Variants in PTPRU observed in about 807,000 individuals in gnomAD.
PTPRU encodes the protein protein tyrosine phosphatase receptor type U.
Under a neutral mutation model 166.3 loss-of-function variants are expected in PTPRU, and 69 were observed. The ratio of observed to expected loss-of-function variants is 0.41; its 90% CI spans 0.34 to 0.51. The LOEUF is 0.51. Ranked by LOEUF, PTPRU falls within the 20% of genes least tolerant of loss-of-function variation. The probability of loss-of-function intolerance (pLI) is 0.09; values close to 1 mark genes in which losing one functional copy is unlikely to be tolerated. For synonymous variants in PTPRU, 793 were observed against 814.0 expected, an observed-to-expected ratio of 0.97 and a Z score of 0.44; for missense variants, 1,657 against 2,013.7, an observed-to-expected ratio of 0.82 and a Z score of 3.39.
At position 29,260,087 on chromosome 1, in the gene PTPRU, A is replaced by C; in HGVS notation, c.850+43A>C. ...GGGGAGCGCCGGGACCTCACCCTCG[A>C]GGGGCGGGGCCGGCGACGGGGGCGG... On this transcript the variant is annotated intron_variant, in intron 6 of 29. Coordinates refer to ENST00000373779, the MANE Select transcript of PTPRU (RefSeq NM_133178.4). The surrounding 1 kb of genome is among the most constrained non-coding windows in gnomAD (Gnocchi z 8.3). 3.0e-6 allele frequency: 3 copies of C among 987,966 alleles called. No individual in the cohort carries two copies. Among genetic ancestry groups the C allele is most frequent in the Non-Finnish European group, 2.4e-6 (2 of 839,882 alleles). The allele number at this position is 987,966 out of a possible 1,614,324, so 61.2% of individuals were successfully genotyped here. A position where few individuals can be genotyped will look rare whatever the true frequency, so the allele number is the denominator to read the frequency against.
In PTPRU at chr1:29,279,187, C is replaced by T. The variant is rs1289843892; in HGVS notation, c.1563+66C>T. ...AGGTGAGAGGTGGCCCTCTTTCTCT[C>T]TGCTGCTACAGTAGGAGGTGCATGG... On this transcript the variant is annotated intron_variant, in intron 9 of 29. Coordinates refer to ENST00000373779, the MANE Select transcript of PTPRU (RefSeq NM_133178.4). This position sits in a 1 kb window ranked among gnomAD's most constrained non-coding sequence, Gnocchi z 5.2. The T allele has an allele frequency of 1.5e-6, 2 of 1,340,290 alleles. No individual in the cohort carries two copies. Among genetic ancestry groups the T allele is most frequent in the East Asian group, 2.5e-5 (1 of 39,898 alleles). The allele number at this position is 1,340,290 out of a possible 1,614,324, so 83.0% of individuals were successfully genotyped here.
intron 1 of PTPRU, among the ~76,000 whole-genome samples, chr1:29,245,033 T>C (rs547541851): frequency 4.6e-5 from 7 of 152,136 alleles, no homozygotes; most frequent in Non-Finnish European, 1.0e-4. Flanking sequence ...TAACCTCTTG[T>C]TCATCCTACT....
At chr1:29,264,474 C>G (rs1482508935) in intron 7 of PTPRU, among the ~76,000 whole-genome samples, 1 of 150,866 alleles carries the variant, frequency 6.6e-6, no homozygotes, top group Non-Finnish European at 1.5e-5. Flanking sequence ...GTTAATTTTT[C>G]AAATGTGGTG....
Position 29,317,672 on chromosome 1 carries a change from GCC to G in PTPRU, c.3514-75_3514-74del. The G allele has an allele frequency of 1.4e-6, 2 of 1,451,280 alleles. No homozygotes were observed. Among genetic ancestry groups the G allele is most frequent in the Non-Finnish European group, 1.9e-6 (2 of 1,073,430 alleles). The allele number at this position is 1,451,280 out of a possible 1,614,324, so 89.9% of individuals were successfully genotyped here. On this transcript the variant is annotated intron_variant, in intron 24 of 29. Coordinates refer to ENST00000373779, the MANE Select transcript of PTPRU (RefSeq NM_133178.4). The surrounding 1 kb of genome is among the most constrained non-coding windows in gnomAD (Gnocchi z 5.6). ...AAAATGGGATTAGTAACTCAGTCCA[GCC>G]TCCTTCATGGGGATGTGAGGAGGCC...
At position 29,325,856 on chromosome 1, in the gene PTPRU, G is replaced by C; in HGVS notation, c.*195G>C. On this transcript the variant is annotated 3_prime_UTR_variant, in exon 30 of 30. Coordinates refer to ENST00000373779, the MANE Select transcript of PTPRU (RefSeq NM_133178.4). ...CGCTTGTCCCATGGGCGGGTGGTGG[G>C]CCAAGGAGGAGCTTAGCAAGTCTGC... The C allele has an allele frequency of 1.6e-6, 1 of 618,420 alleles. No homozygotes were observed. The highest frequency in any genetic ancestry group is 3.1e-5 in the East Asian group (1 of 32,566). The allele number at this position is 618,420 out of a possible 1,614,324, so 38.3% of individuals were successfully genotyped here.
chr1:29,261,658 G>A (rs1685071694), intron 7 of PTPRU, among the ~76,000 whole-genome samples: 1 of 152,050 alleles, frequency 6.6e-6, no homozygotes, highest in African/African-American at 2.4e-5. Context: ...TCAGCCTCCC[G>A]AGTAGCTGGG....
At position 29,315,657 on chromosome 1, in the gene PTPRU, A is replaced by G. The variant is rs1401252596; in HGVS notation, c.3363+150A>G. 10 of 1,187,668 alleles carry G rather than the reference A, an allele frequency of 8.4e-6. No homozygotes were observed. Among genetic ancestry groups the G allele is most frequent in the Non-Finnish European group, 1.2e-5 (10 of 833,684 alleles). The allele number at this position is 1,187,668 out of a possible 1,614,324, so 73.6% of individuals were successfully genotyped here. A position where few individuals can be genotyped will look rare whatever the true frequency, so the allele number is the denominator to read the frequency against. On this transcript the variant is annotated intron_variant, in intron 23 of 29. Transcript: ENST00000373779. The surrounding 1 kb of genome is among the most constrained non-coding windows in gnomAD (Gnocchi z 4.5). Reference sequence around the variant, plus strand: ...TCCCTGACCTTGGGCCGCCAACTGCATAGGGTCATCCTGAACTGCTCCCCT... The same window carrying G: ...TCCCTGACCTTGGGCCGCCAACTGCGTAGGGTCATCCTGAACTGCTCCCCT...
At chr1:29,253,389 G>A (rs1684639180) in intron 1 of PTPRU, among the ~76,000 whole-genome samples, 1 of 152,050 alleles carries the variant, frequency 6.6e-6, no homozygotes, top group African/African-American at 2.4e-5. Flanking sequence ...TTCCTCTAGG[G>A]TATGGGGCAG....
chr1:29,312,430 A>T (rs1016452514), intron 21 of PTPRU, 122 bp from the exon 22 acceptor site: 9 of 942,294 alleles, frequency 9.6e-6, no homozygotes, highest in Non-Finnish European at 1.2e-5. Context: ...CAGTAAATTG[A>T]TCATTGGGAT....
Position 29,316,027 on chromosome 1 carries a change from C to T in PTPRU, c.3389C>T (p.Ala1130Val). Residue 1130 changes from alanine to valine, a missense_variant, in exon 24 of 30, where the codon GCA becomes GTA. Ala to Val is a moderately conservative substitution (Grantham distance 64). This residue lies in a region of PTPRU where 1,190 missense variants were observed against 1,477.4 expected (regional missense o/e 0.81). Coordinates refer to ENST00000373779, the MANE Select transcript of PTPRU (RefSeq NM_133178.4). ...TEEQYIFIHD[A>V]ILEACLCGET... ...GAGCAGTACATCTTCATTCATGATG[C>T]AATCCTGGAGGCCTGCCTGTGTGGG... is the stretch of plus-strand genomic sequence containing the variant. 1 of 1,614,130 alleles carries T rather than the reference C, an allele frequency of 6.2e-7. No individual in the cohort carries two copies. Among genetic ancestry groups the T allele is most frequent in the Non-Finnish European group, 8.5e-7 (1 of 1,179,960 alleles).
At position 29,303,888 on chromosome 1, in the gene PTPRU, G is replaced by C; in HGVS notation, c.2510G>C (p.Ser837Thr). The C allele has an allele frequency of 6.2e-7, 1 of 1,612,596 alleles. No individual in the cohort carries two copies. The highest frequency in any genetic ancestry group is 8.5e-7 in the Non-Finnish European group (1 of 1,178,814). Residue 837 changes from serine to threonine, a missense_variant, in exon 16 of 30, where the codon AGC becomes ACC. Around this residue, in one of 3 missense-constraint regions of PTPRU, gnomAD observed 1,190 missense variants for 1,477.4 expected, o/e 0.81. Coordinates refer to ENST00000373779, the MANE Select transcript of PTPRU (RefSeq NM_133178.4). Reference sequence around the variant, plus strand: ...CGCAGCGGTGGGGTCACTGAGGCCAGCAGCCTCCTGGGGGGCTCCCCGAGG... The same window carrying C: ...CGCAGCGGTGGGGTCACTGAGGCCACCAGCCTCCTGGGGGGCTCCCCGAGG... ...DQRSGGVTEASSLLGGSPRRP... is the reference protein window; with the variant it reads ...DQRSGGVTEATSLLGGSPRRP...
In PTPRU at chr1:29,323,510, G is replaced by A. The variant is rs781361937; in HGVS notation, c.3954+14G>A. Reference sequence around the variant, plus strand: ...AACATCTCTCGGGTGAGTGGTCTGAGGAGCCCCAGGGAAGGACCCTGGGTG... The same window carrying A: ...AACATCTCTCGGGTGAGTGGTCTGAAGAGCCCCAGGGAAGGACCCTGGGTG... On this transcript the variant is annotated intron_variant, in intron 27 of 29. Transcript: ENST00000373779. 5 of 1,611,712 alleles carry A rather than the reference G, an allele frequency of 3.1e-6. No homozygotes were observed. The South Asian group carries it at 3.3e-5, about 11-fold the overall frequency.
Position 29,283,945 on chromosome 1 carries a change from C to T in PTPRU, c.2148C>T (p.Thr716=). ...ACCCCCATCTGTGCCTCCAGGAGAC[C>T]CGGCTGAATTGCATCCGCATTGCCA... ...FQAASHLKGE[T]RLNCIRIARK... is the part of the protein sequence containing the mutation. Residue 716 remains threonine (T), a synonymous_variant, in exon 13 of 30, where the codon ACC becomes ACT. Coordinates refer to ENST00000373779, the MANE Select transcript of PTPRU (RefSeq NM_133178.4). 3 of 1,613,998 alleles carry T rather than the reference C, an allele frequency of 1.9e-6. No homozygotes were observed. The highest frequency in any genetic ancestry group is 8.5e-7 in the Non-Finnish European group (1 of 1,180,036).
At chr1:29,325,486 G>T (rs1200243795) in intron 29 of PTPRU, 113 bp from the exon 30 acceptor site, 15 of 1,504,472 alleles carry the variant, frequency 1.0e-5, no homozygotes, top group Non-Finnish European at 1.4e-5. Flanking sequence ...TTCTCCCCGA[G>T]GGCGGGCCTG....
chr1:29,288,108 C>G (rs761424780), intron 14 of PTPRU, among the ~76,000 whole-genome samples: 3 of 152,204 alleles, frequency 2.0e-5, no homozygotes, highest in Non-Finnish European at 4.4e-5. Flanking sequence ...CCTGAGCCAC[C>G]ATGCCCAGGC....
rs1686638803 is a variant in PTPRU at position 29,291,674 on chromosome 1, C to A, written c.2319-195C>A. On this transcript the variant is annotated intron_variant, in intron 14 of 29. Transcript: ENST00000373779. This position sits in a 1 kb window ranked among gnomAD's most constrained non-coding sequence, Gnocchi z 4.1. The stretch of plus-strand genomic sequence containing the variant: ...GTCCCTAGGACGGGCTCTGCCAAGC[C>A]CTTTTCAGGGAAGAAGCAGCTCTGG... Among the ~76,000 whole-genome samples the A allele has an allele frequency of 6.6e-6, 1 of 152,200 alleles. No individual in the cohort carries two copies. Among genetic ancestry groups the A allele is most frequent in the East Asian group, 1.9e-4 (1 of 5,180 alleles).
Position 29,315,605 on chromosome 1 carries a change from C to G in PTPRU, c.3363+98C>G. 1 of 1,528,278 alleles carries G rather than the reference C, an allele frequency of 6.5e-7. No individual in the cohort carries two copies. Among genetic ancestry groups the G allele is most frequent in the South Asian group, 1.2e-5 (1 of 86,164 alleles). The allele number at this position is 1,528,278 out of a possible 1,614,324, so 94.7% of individuals were successfully genotyped here. ...CGGCAGAGCATGCCCAAAGGGTGTC[C>G]TGAGGCTCTTGCCTTCCCTCAGATC... On this transcript the variant is annotated intron_variant, in intron 23 of 29. Transcript: ENST00000373779. The surrounding 1 kb of genome is among the most constrained non-coding windows in gnomAD (Gnocchi z 4.5).
At chr1:29,300,468 T>C (rs1006586665) in intron 15 of PTPRU, among the ~76,000 whole-genome samples, 5 of 152,204 alleles carry the variant, frequency 3.3e-5, no homozygotes, top group African/African-American at 7.2e-5. Context: ...TTCCTCCTCT[T>C]GCTCTTCTTT....
At chr1:29,286,788 A>C (rs1339482236) in intron 14 of PTPRU, among the ~76,000 whole-genome samples, 1 of 152,124 alleles carries the variant, frequency 6.6e-6, no homozygotes, top group Non-Finnish European at 1.5e-5. Context: ...TCAGGGCCTC[A>C]CTGGGAAACC....
Sources: gnomAD v4.1 joint callset for allele counts (sites outside exome capture counted in the v4.1 genomes callset) on GRCh38, gnomAD v4.1.1 for gene constraint, gnomAD v4.1.1 regional missense constraint, Gnocchi (gnomAD v3.1) non-coding constraint, MANE v1.5 for transcripts, NCBI Gene and HGNC (gene_info 2026-07-23, HGNC 2026-07-21) for gene names.